The following VTI1A variants were observed in gnomAD, a reference collection of about 807,000 sequenced individuals.
The protein encoded by VTI1A is vesicle transport through interaction with t-SNAREs 1A, also known as vesicle transport through interaction with t-SNAREs homolog 1A.
In VTI1A, 22 loss-of-function variants were observed where a neutral mutation model predicts 34.9. The ratio of observed to expected loss-of-function variants is 0.63; its 90% CI spans 0.45 to 0.90. The LOEUF (loss-of-function observed/expected upper bound fraction) is 0.90. Among genes scored for constraint, VTI1A ranks in the 40% least tolerant of loss-of-function variants. The probability of loss-of-function intolerance (pLI) is 0.00; values close to 1 mark genes in which losing one functional copy is unlikely to be tolerated. For synonymous variants in VTI1A, 87 were observed against 97.3 expected, an observed-to-expected ratio of 0.89 and a Z score of 0.62; for missense variants, 268 against 275.6, an observed-to-expected ratio of 0.97 and a Z score of 0.20.
intron 7 of VTI1A, among the ~76,000 whole-genome samples, chr10:112,701,224 T>C (rs1848997761): frequency 6.6e-6 from 1 of 152,214 alleles, no homozygotes; most frequent in African/African-American, 2.4e-5. Flanking sequence ...TAACTTTCCA[T>C]GTTAAATTGG....
intron 5 of VTI1A, among the ~76,000 whole-genome samples, chr10:112,595,631 A>G (rs1050791809): frequency 2.9e-4 from 44 of 152,146 alleles, no homozygotes; most frequent in Middle Eastern, 3.4e-3. Flanking sequence ...CACACCAGTT[A>G]GAATGGCAAT....
chr10:112,569,384 T>C (rs1355531575), intron 5 of VTI1A, among the ~76,000 whole-genome samples: 2 of 152,200 alleles, frequency 1.3e-5, no homozygotes, highest in Non-Finnish European at 1.5e-5. Context: ...ATCAGTCCAA[T>C]TGAAGGGCAG....
At position 112,817,187 on chromosome 10, in the gene VTI1A, T is replaced by C. The variant is rs781782279; in HGVS notation, c.*1804T>C. Reference sequence around the variant, plus strand: ...TTCCGACACACGAATAGTCATCGAGTATTACACCAGCCCCTCTGGTGGCTT... The same window carrying C: ...TTCCGACACACGAATAGTCATCGAGCATTACACCAGCCCCTCTGGTGGCTT... On this transcript the variant is annotated 3_prime_UTR_variant, in exon 8 of 8. Coordinates refer to ENST00000393077, the MANE Select transcript of VTI1A (RefSeq NM_145206.4). The C allele has an allele frequency of 1.7e-4, 40 of 232,514 alleles. No individual in the cohort carries two copies. The highest frequency in any genetic ancestry group is 1.3e-3 in the Middle Eastern group (1 of 778). The allele number at this position is 232,514 out of a possible 1,614,324, so 14.4% of individuals were successfully genotyped here. A position where few individuals can be genotyped will look rare whatever the true frequency, so the allele number is the denominator to read the frequency against.
At chr10:112,467,224 C>G (rs1240897110) in intron 3 of VTI1A, among the ~76,000 whole-genome samples, 1 of 151,308 alleles carries the variant, frequency 6.6e-6, no homozygotes. Context: ...TTTTTTGTTT[C>G]TCAAAGAGTA....
At chr10:112,476,644 C>G (rs1848287244) in intron 3 of VTI1A, among the ~76,000 whole-genome samples, 1 of 152,154 alleles carries the variant, frequency 6.6e-6, no homozygotes, top group South Asian at 2.1e-4. Flanking sequence ...ATTCTTGAAA[C>G]TCACAATTTA....
chr10:112,738,928 G>C (rs1850593511), intron 7 of VTI1A, among the ~76,000 whole-genome samples: 1 of 152,174 alleles, frequency 6.6e-6, no homozygotes, highest in African/African-American at 2.4e-5. Flanking sequence ...CCCGCAGTGA[G>C]GGCTTAACAC....
intron 7 of VTI1A, among the ~76,000 whole-genome samples, chr10:112,732,892 A>G (rs1850317709): frequency 6.6e-6 from 1 of 151,018 alleles, no homozygotes. Flanking sequence ...GACTGCTCAC[A>G]TTACTAGGTC....
At chr10:112,454,004 C>G (rs779433395) in intron 1 of VTI1A, among the ~76,000 whole-genome samples, 2 of 152,208 alleles carry the variant, frequency 1.3e-5, no homozygotes, top group Non-Finnish European at 2.9e-5. Context: ...ATCTCCAGCT[C>G]TAATCCATTA....
chr10:112,584,023 T>C (rs1484040923), intron 5 of VTI1A, among the ~76,000 whole-genome samples: 1 of 152,132 alleles, frequency 6.6e-6, no homozygotes. Flanking sequence ...GTAAAACACA[T>C]TGTGTCAAAG....
chr10:112,638,821 C>CTTTT (rs772004875), intron 5 of VTI1A, among the ~76,000 whole-genome samples: 7 of 115,146 alleles, frequency 6.1e-5, no homozygotes, highest in African/African-American at 2.3e-4. Flanking sequence ...ACAGGTTGGG[C>CTTTT]TTTTTTTTTT....
chr10:112,599,324 G>A (rs1358187846), intron 5 of VTI1A, among the ~76,000 whole-genome samples: 9 of 152,192 alleles, frequency 5.9e-5, no homozygotes, highest in Admixed American at 2.6e-4. Flanking sequence ...ATGTGGTGTT[G>A]GGTAGATATG....
chr10:112,509,782 A>T (rs963837109), intron 3 of VTI1A, among the ~76,000 whole-genome samples: 5 of 152,240 alleles, frequency 3.3e-5, no homozygotes, highest in Admixed American at 6.5e-5. Flanking sequence ...TCTCTACTGC[A>T]TGTGCAACTG....
At chr10:112,686,546 C>T (rs911151839) in intron 7 of VTI1A, among the ~76,000 whole-genome samples, 2 of 152,144 alleles carry the variant, frequency 1.3e-5, no homozygotes, top group African/African-American at 2.4e-5. Context: ...TTTACTGACA[C>T]AAGGCATGGA....
chr10:112,730,837 A>G (rs1850227204), intron 7 of VTI1A, among the ~76,000 whole-genome samples: 1 of 152,186 alleles, frequency 6.6e-6, no homozygotes, highest in Non-Finnish European at 1.5e-5. Flanking sequence ...AAGACTAAAG[A>G]CCAGATACTA....
intron 1 of VTI1A, among the ~76,000 whole-genome samples, chr10:112,454,889 A>T (rs1156683754): frequency 6.6e-6 from 1 of 152,058 alleles, no homozygotes. Context: ...GATCTTATTT[A>T]ATGGCTTGAG....
chr10:112,488,091 T>G (rs1372557897), intron 3 of VTI1A, among the ~76,000 whole-genome samples: 1 of 152,220 alleles, frequency 6.6e-6, no homozygotes, highest in Non-Finnish European at 1.5e-5. Context: ...AGTGTCAGAA[T>G]ACATACTTCC....
At chr10:112,597,061 G>A (rs1317230007) in intron 5 of VTI1A, among the ~76,000 whole-genome samples, 1 of 152,144 alleles carries the variant, frequency 6.6e-6, no homozygotes, top group African/African-American at 2.4e-5. Context: ...ATGGTTCTGT[G>A]TTTTACTTAT....
chr10:112,691,041 G>A (rs1848594792), intron 7 of VTI1A, among the ~76,000 whole-genome samples: 1 of 152,050 alleles, frequency 6.6e-6, no homozygotes, highest in Non-Finnish European at 1.5e-5. Context: ...GCCAAGGCAG[G>A]CGGATCATTT....
At chr10:112,700,505 G>A (rs192031829) in intron 7 of VTI1A, among the ~76,000 whole-genome samples, 57 of 152,292 alleles carry the variant, frequency 3.7e-4, no homozygotes, top group African/African-American at 1.3e-3. Flanking sequence ...TTTGACAGGT[G>A]AGGAAACTAA....
Sources: allele counts gnomAD v4.1 joint callset (sites outside exome capture counted in the v4.1 genomes callset), GRCh38; gene constraint gnomAD v4.1.1; transcripts MANE v1.5; gene names NCBI Gene and HGNC (gene_info 2026-07-23, HGNC 2026-07-21).